The following TENM4 variants were observed in gnomAD, a reference collection of about 807,000 sequenced individuals.
TENM4 encodes the protein teneurin transmembrane protein 4.
TENM4 carries 82 observed loss-of-function variants against 243.3 expected under a neutral mutation model. The observed-to-expected ratio is 0.34, with a 90% CI of 0.28 to 0.40. TENM4 has a LOEUF of 0.40. Among genes scored for constraint, TENM4 ranks in the 10% least tolerant of loss-of-function variants. The pLI is 1.00. For synonymous variants in TENM4, 1,412 were observed against 1,456.3 expected, an observed-to-expected ratio of 0.97 and a Z score of 0.69; for missense variants, 3,138 against 3,673.3, an observed-to-expected ratio of 0.85 and a Z score of 3.77.
intron 6 of TENM4, among the ~76,000 whole-genome samples, chr11:79,025,004 C>T (rs1192417389): frequency 1.3e-5 from 2 of 152,290 alleles, no homozygotes; most frequent in African/African-American, 4.8e-5. Context: ...AGCAACATCC[C>T]TTGAAAAACC....
At chr11:79,222,320 A>T (rs1407263583) in intron 2 of TENM4, among the ~76,000 whole-genome samples, 2 of 152,166 alleles carry the variant, frequency 1.3e-5, no homozygotes, top group Admixed American at 1.3e-4. Flanking sequence ...CGTGTTCCTG[A>T]AAAGGACATT....
rs1202389576 is a variant in TENM4, at chr11:79,045,838, C to T, written c.493+18900G>A. On this transcript the variant is annotated intron_variant, in intron 6 of 33. Coordinates refer to ENST00000278550, the MANE Select transcript of TENM4 (RefSeq NM_001098816.3). ...ATTCTAAAATACAACAGGTATTTGG[C>T]AGAAATCCCCACCCACTCCTTCACT... Among the ~76,000 whole-genome samples the T allele has an allele frequency of 2.6e-5, 4 of 151,960 alleles. No individual in the cohort carries two copies. The South Asian group carries it at 8.3e-4, about 32-fold the overall frequency.
intron 6 of TENM4, among the ~76,000 whole-genome samples, chr11:79,050,221 A>G (rs1859760670): frequency 6.6e-6 from 1 of 152,082 alleles, no homozygotes; most frequent in Admixed American, 6.5e-5. Flanking sequence ...GCCAGAGCAG[A>G]CTCTTGAAGA....
chr11:78,704,046 CACA>C, intron 27 of TENM4, among the ~76,000 whole-genome samples: 1 of 146,856 alleles, frequency 6.8e-6, no homozygotes, highest in Non-Finnish European at 1.5e-5. Flanking sequence ...CACACACACA[CACA>C]CACACACACA....
intron 1 of TENM4, among the ~76,000 whole-genome samples, chr11:79,411,926 T>C (rs1396652287): frequency 6.6e-6 from 1 of 152,220 alleles, no homozygotes; most frequent in Non-Finnish European, 1.5e-5. Context: ...CATCAACAAA[T>C]GCTCATCTTC....
At chr11:78,673,116 A>T (rs960893106) in intron 30 of TENM4, among the ~76,000 whole-genome samples, 1 of 151,792 alleles carries the variant, frequency 6.6e-6, no homozygotes, top group Non-Finnish European at 1.5e-5. Context: ...CCTTGTATAA[A>T]CTCCACCTGG....
chr11:78,768,188 C>A (rs1413292265), intron 18 of TENM4, among the ~76,000 whole-genome samples: 1 of 152,238 alleles, frequency 6.6e-6, no homozygotes. Flanking sequence ...GTCCTCAGCA[C>A]CTTCCCCTTG....
At chr11:79,278,241 C>T (rs745831548) in intron 2 of TENM4, among the ~76,000 whole-genome samples, 3 of 152,116 alleles carry the variant, frequency 2.0e-5, no homozygotes, top group Non-Finnish European at 4.4e-5. Flanking sequence ...CTAAGGGGTT[C>T]ACAAGGCCAT....
At chr11:78,730,898 C>G (rs928649719) in intron 21 of TENM4, among the ~76,000 whole-genome samples, 9 of 152,196 alleles carry the variant, frequency 5.9e-5, no homozygotes, top group Non-Finnish European at 1.3e-4. Context: ...TGAGGCAAAG[C>G]AGGACTTATA....
chr11:78,668,869 G>C, intron 32 of TENM4, 68 bp downstream of exon 32: 1 of 1,514,148 alleles, frequency 6.6e-7, no homozygotes, highest in Non-Finnish European at 8.9e-7. Flanking sequence ...TCTCAAAGAA[G>C]ACTAAGTATT....
intron 6 of TENM4, among the ~76,000 whole-genome samples, chr11:78,929,596 T>C (rs1856626946): frequency 6.6e-6 from 1 of 152,100 alleles, no homozygotes; most frequent in Non-Finnish European, 1.5e-5. Context: ...TATGGAAATG[T>C]AAGACTTAAG....
intron 6 of TENM4, among the ~76,000 whole-genome samples, chr11:79,027,653 C>A (rs549370595): frequency 1.3e-5 from 2 of 152,216 alleles, no homozygotes; most frequent in South Asian, 4.1e-4. Flanking sequence ...CACCTCCTCT[C>A]GAATCCATAT....
At chr11:78,778,572 A>G in intron 17 of TENM4, 30 bp downstream of exon 17, 1 of 1,607,984 alleles carries the variant, frequency 6.2e-7, no homozygotes, top group Non-Finnish European at 8.5e-7. Flanking sequence ...ACACAAAGAC[A>G]ACAGGAAAAT....
intron 1 of TENM4, among the ~76,000 whole-genome samples, chr11:79,415,139 CG>C (rs1858786283): frequency 6.6e-6 from 1 of 152,164 alleles, no homozygotes; most frequent in Non-Finnish European, 1.5e-5. Context: ...CTCTCTTGTC[CG>C]ATTCTAAGAT....
In TENM4 at chr11:78,701,926, T is replaced by C. The variant is rs371433282; in HGVS notation, c.4687A>G (p.Ile1563Val). Residue 1563 changes from isoleucine to valine, a missense_variant, in exon 28 of 34, where the codon ATC becomes GTC. Around this residue, in one of 2 missense-constraint regions of TENM4, gnomAD observed 2,467 missense variants for 3,059.1 expected, o/e 0.81. Coordinates refer to ENST00000278550, the MANE Select transcript of TENM4 (RefSeq NM_001098816.3). Reference protein sequence around the residue: ...ADLGNIRIRFIRKNKPFLNTQ... With the variant: ...ADLGNIRIRFVRKNKPFLNTQ... ...TTGAGGAAAGGCTTGTTCTTCCGGA[T>C]AAACCGAATTCGGATGTTCCCAAGG... 12 of 1,614,044 alleles carry C rather than the reference T, an allele frequency of 7.4e-6. No individual in the cohort carries two copies. In the African/African-American group the frequency reaches 1.5e-4, roughly 20 times the overall value.
intron 1 of TENM4, among the ~76,000 whole-genome samples, chr11:79,360,087 C>T (rs901859821): frequency 2.0e-5 from 3 of 152,186 alleles, no homozygotes; most frequent in Non-Finnish European, 4.4e-5. Flanking sequence ...GAGCCACAGC[C>T]TCTTCCTCAG....
intron 1 of TENM4, among the ~76,000 whole-genome samples, chr11:79,354,241 T>A (rs1396549694): frequency 1.3e-5 from 2 of 152,336 alleles, no homozygotes; most frequent in Middle Eastern, 3.4e-3. Flanking sequence ...GTTGACGTTG[T>A]TTCCAGGACA....
At chr11:79,138,091 C>A (rs980999653) in intron 4 of TENM4, among the ~76,000 whole-genome samples, 7 of 151,476 alleles carry the variant, frequency 4.6e-5, no homozygotes, top group African/African-American at 1.7e-4. Flanking sequence ...CAGTTGCCAG[C>A]ATGGCTAGAA....
intron 1 of TENM4, among the ~76,000 whole-genome samples, chr11:79,321,326 C>T (rs933277600): frequency 6.6e-6 from 1 of 152,206 alleles, no homozygotes; most frequent in Non-Finnish European, 1.5e-5. Flanking sequence ...GGCTGCTACA[C>T]TTTCAGGCAA....
Sources: allele counts gnomAD v4.1 joint callset (sites outside exome capture counted in the v4.1 genomes callset), GRCh38; gene constraint gnomAD v4.1.1; regional missense constraint gnomAD v4.1.1; transcripts MANE v1.5; gene names NCBI Gene and HGNC (gene_info 2026-07-23, HGNC 2026-07-21).